The following RBFOX1 variants were observed in gnomAD, a reference collection of about 807,000 sequenced individuals.
The protein encoded by RBFOX1 is RNA binding fox-1 homolog 1.
A neutral mutation model predicts 57.7 loss-of-function variants in RBFOX1; 8 were observed. The ratio of observed to expected loss-of-function variants is 0.14; its 90% CI spans 0.08 to 0.25. The LOEUF is 0.25. Ranked by LOEUF, RBFOX1 falls within the 10% of genes least tolerant of loss-of-function variation. The pLI is 1.00. For synonymous variants in RBFOX1, 326 were observed against 222.4 expected (o/e 1.47, Z -4.15); for missense variants, 611 against 548.5 (o/e 1.11, Z -1.14).
chr16:6,394,846 AAACT>A (rs1248881041), intron 2 of RBFOX1, among the ~76,000 whole-genome samples: 4 of 152,106 alleles, frequency 2.6e-5, no homozygotes, highest in East Asian at 3.9e-4. Context: ...TGGGAAGGAG[AAACT>A]AACTGTTTAA....
chr16:6,378,306 C>G (rs755135911), intron 2 of RBFOX1, among the ~76,000 whole-genome samples: 22 of 152,182 alleles, frequency 1.4e-4, no homozygotes, highest in Non-Finnish European at 2.8e-4. Context: ...GCTGGGGTTT[C>G]ATGCATCTGG....
intron 1 of RBFOX1, among the ~76,000 whole-genome samples, chr16:6,189,211 C>A (rs2097126761): frequency 6.6e-6 from 1 of 152,156 alleles, no homozygotes; most frequent in Admixed American, 6.5e-5. Context: ...GCAAATGTTA[C>A]AACATCAAAC....
intron 4 of RBFOX1, among the ~76,000 whole-genome samples, chr16:7,283,376 A>G (rs1279717812): frequency 1.3e-5 from 2 of 152,070 alleles, no homozygotes; most frequent in African/African-American, 4.8e-5. Context: ...TTGAACCAGC[A>G]TGGATCAGTG....
chr16:6,964,768 A>C (rs1284416034), intron 3 of RBFOX1, among the ~76,000 whole-genome samples: 2 of 152,166 alleles, frequency 1.3e-5, no homozygotes, highest in Non-Finnish European at 2.9e-5. Flanking sequence ...AGCCTTTAAG[A>C]ACTTCTCAGC....
chr16:7,203,320 C>A (rs947288388), intron 4 of RBFOX1, among the ~76,000 whole-genome samples: 3 of 152,096 alleles, frequency 2.0e-5, no homozygotes, highest in African/African-American at 7.2e-5. Flanking sequence ...ATTCCACTCA[C>A]ATGAAGTTTG....
chr16:7,141,494 G>T (rs2073776272), intron 4 of RBFOX1, among the ~76,000 whole-genome samples: 1 of 152,164 alleles, frequency 6.6e-6, no homozygotes. Context: ...AGAGCATAAA[G>T]CACGGAAATG....
At chr16:6,817,826 A>G (rs1033166713) in intron 3 of RBFOX1, among the ~76,000 whole-genome samples, 1 of 152,196 alleles carries the variant, frequency 6.6e-6, no homozygotes, top group Admixed American at 6.5e-5. Context: ...TCAAGAATTC[A>G]TGAAGTCCCC....
chr16:5,259,672 T>C (rs532919302), intron 1 of RBFOX1, among the ~76,000 whole-genome samples: 5 of 152,124 alleles, frequency 3.3e-5, no homozygotes, highest in Non-Finnish European at 7.3e-5. Context: ...GCCCTTCAGT[T>C]GTGTTTGTCA....
chr16:6,067,869 T>G (rs937744964), intron 1 of RBFOX1, among the ~76,000 whole-genome samples: 96 of 152,366 alleles, frequency 6.3e-4, no homozygotes, highest in African/African-American at 2.2e-3. Context: ...TCTAGACACT[T>G]AAGCATATGT....
intron 3 of RBFOX1, among the ~76,000 whole-genome samples, chr16:7,015,398 C>G (rs2093859156): frequency 6.6e-6 from 1 of 152,252 alleles, no homozygotes; most frequent in Non-Finnish European, 1.5e-5. Context: ...AACAAAGAAA[C>G]TTGAGCCGTA....
Position 6,734,444 on chromosome 16 carries a change from A to G in RBFOX1, c.-16+79794A>G, listed in dbSNP as rs79108183. The stretch of plus-strand genomic sequence containing the variant: ...TCCTTTACGTGGATTATCTCATTTA[A>G]TCCTCATGATAAAGGTCATGGTATT... On this transcript the variant is annotated intron_variant, in intron 3 of 15. Coordinates refer to ENST00000550418, the MANE Select transcript of RBFOX1 (RefSeq NM_018723.4). Among the ~76,000 whole-genome samples the G allele has an allele frequency of 7.1e-3, 1,080 of 152,266 alleles. 14 individuals are homozygous for G. The highest frequency in any genetic ancestry group is 0.024 in the African/African-American group (994 of 41,552).
intron 4 of RBFOX1, among the ~76,000 whole-genome samples, chr16:7,513,399 C>T (rs981870063): frequency 7.9e-5 from 12 of 152,170 alleles, no homozygotes; most frequent in African/African-American, 2.9e-4. Flanking sequence ...TGACTGTGGC[C>T]TCGAATAATT....
intron 3 of RBFOX1, among the ~76,000 whole-genome samples, chr16:6,788,442 C>G (rs955314110): frequency 2.7e-5 from 4 of 147,724 alleles, no homozygotes; most frequent in African/African-American, 1.0e-4. Flanking sequence ...AGGTGCTGCA[C>G]TGATTTTTTT....
At chr16:7,114,056 C>G (rs977578380) in intron 4 of RBFOX1, among the ~76,000 whole-genome samples, 10 of 152,154 alleles carry the variant, frequency 6.6e-5, no homozygotes, top group African/African-American at 2.4e-4. Context: ...AGAACTGTCA[C>G]CTCATATTTG....
At chr16:6,132,854 G>T (rs1410628504) in intron 1 of RBFOX1, among the ~76,000 whole-genome samples, 1 of 151,738 alleles carries the variant, frequency 6.6e-6, no homozygotes, top group Non-Finnish European at 1.5e-5. Context: ...GGGCATGGTG[G>T]CGCATGCCTG....
At chr16:5,621,959 A>T (rs2048213195) in intron 3 of RBFOX1, among the ~76,000 whole-genome samples, 1 of 152,224 alleles carries the variant, frequency 6.6e-6, no homozygotes, top group Non-Finnish European at 1.5e-5. Flanking sequence ...ATCTCCTGGG[A>T]AGAATGAGGT....
intron 4 of RBFOX1, among the ~76,000 whole-genome samples, chr16:7,395,724 G>A (rs2098129066): frequency 6.6e-6 from 1 of 152,158 alleles, no homozygotes; most frequent in African/African-American, 2.4e-5. Flanking sequence ...ATATGTCCAA[G>A]GGACAAATAC....
intron 4 of RBFOX1, among the ~76,000 whole-genome samples, chr16:7,315,456 A>ACCCCCCCCCCCC (rs34625153): frequency 1.6e-5 from 2 of 123,770 alleles, no homozygotes; most frequent in Non-Finnish European, 1.9e-5. Context: ...ACTCTACCCT[A>ACCCCCCCCCCCC]CCCCCCCCCC....
At chr16:7,076,854 A>G (rs1178598282) in intron 4 of RBFOX1, among the ~76,000 whole-genome samples, 11 of 152,178 alleles carry the variant, frequency 7.2e-5, no homozygotes, top group Admixed American at 7.2e-4. Context: ...TTCTTGTACA[A>G]TTTAAGTGGT....
Sources: gnomAD v4.1 joint callset for allele counts (sites outside exome capture counted in the v4.1 genomes callset) on GRCh38, gnomAD v4.1.1 for gene constraint, MANE v1.5 for transcripts, NCBI Gene and HGNC (gene_info 2026-07-23, HGNC 2026-07-21) for gene names.